Variants in FOXK1 observed in about 807,000 individuals in gnomAD.
FOXK1 encodes forkhead box protein K1.
FOXK1 carries 19 observed loss-of-function variants against 51.9 expected under a neutral mutation model. The observed-to-expected ratio is 0.37, with a 90% CI of 0.26 to 0.54. The LOEUF (loss-of-function observed/expected upper bound fraction) is 0.54, where lower values mean the gene tolerates loss of function less well. Among genes scored for constraint, FOXK1 ranks in the 20% least tolerant of loss-of-function variants. FOXK1 has a pLI of 0.87. For synonymous variants in FOXK1, 537 were observed against 482.6 expected (o/e 1.11, Z -1.48); for missense variants, 870 against 1,032.7 (o/e 0.84, Z 2.16).
chr7:4,737,041 C>T (rs531899538), intron 1 of FOXK1, among the ~76,000 whole-genome samples: 1 of 152,326 alleles, frequency 6.6e-6, no homozygotes, highest in African/African-American at 2.4e-5. Context: ...GGACCATGCT[C>T]CTCTTCTGTG....
At chr7:4,699,945 G>A (rs1180698839) in intron 1 of FOXK1, among the ~76,000 whole-genome samples, 9 of 152,038 alleles carry the variant, frequency 5.9e-5, no homozygotes, top group Non-Finnish European at 1.0e-4. Flanking sequence ...TGGTTGAATC[G>A]GCTAGGACCT....
chr7:4,720,929 A>G (rs1467526027), intron 1 of FOXK1, among the ~76,000 whole-genome samples: 2 of 151,852 alleles, frequency 1.3e-5, no homozygotes, highest in African/African-American at 2.4e-5. Flanking sequence ...AAAGAAAAAA[A>G]AAACTCAACA....
At chr7:4,686,784 A>T (rs564713649) in intron 1 of FOXK1, among the ~76,000 whole-genome samples, 28 of 150,402 alleles carry the variant, frequency 1.9e-4, no homozygotes, top group Non-Finnish European at 3.2e-4. Flanking sequence ...AAACGGCGTC[A>T]TCGATTTAGT....
At position 4,762,573 on chromosome 7, in the gene FOXK1, C is replaced by A; in HGVS notation, c.*109C>A. The A allele has an allele frequency of 8.6e-7, 1 of 1,160,622 alleles. No homozygotes were observed. Among genetic ancestry groups the A allele is most frequent in the Non-Finnish European group, 1.2e-6 (1 of 843,870 alleles). 71.9% of individuals were successfully genotyped at this position (1,160,622 alleles called of 1,614,324 possible). A position where few individuals can be genotyped will look rare whatever the true frequency, so the allele number is the denominator to read the frequency against. ...GACGGAGGAGAACAGCCCGCGGCGGCCTGTGGGCATCGGCGGCACCTGGAC... is the reference window on the plus strand; with the variant it reads ...GACGGAGGAGAACAGCCCGCGGCGGACTGTGGGCATCGGCGGCACCTGGAC... On this transcript the variant is annotated 3_prime_UTR_variant, in exon 9 of 9. Transcript: ENST00000328914. The surrounding 1 kb of genome is among the most constrained non-coding windows in gnomAD (Gnocchi z 5.7).
chr7:4,728,889 C>G (rs1780415149), intron 1 of FOXK1, among the ~76,000 whole-genome samples: 1 of 152,196 alleles, frequency 6.6e-6, no homozygotes, highest in Non-Finnish European at 1.5e-5. Context: ...AAACCAGCGT[C>G]TGGTACTTGG....
At chr7:4,684,240 T>A (rs574713011) in intron 1 of FOXK1, among the ~76,000 whole-genome samples, 25 of 152,382 alleles carry the variant, frequency 1.6e-4, no homozygotes, top group Admixed American at 1.6e-3. Context: ...AGTGTTTATA[T>A]TTCTTCAATG....
intron 1 of FOXK1, among the ~76,000 whole-genome samples, chr7:4,705,517 T>TTCTCTCTTTCTCTC (rs1780072859): frequency 9.0e-6 from 1 of 111,490 alleles, no homozygotes; most frequent in African/African-American, 3.5e-5. Flanking sequence ...TTCCTTCTCT[T>TTCTCTCTTTCTCTC]TCTCTCTCTC....
rs1484738530 is a variant in FOXK1, at chr7:4,715,523, T to A, written c.561-25315T>A. 1.3e-5 allele frequency among the ~76,000 whole-genome samples: 2 copies of A among 152,206 alleles called. No individual in the cohort carries two copies. The highest frequency in any genetic ancestry group is 2.9e-5 in the Non-Finnish European group (2 of 68,032). ...GGAATGCCCGAGCTCTGAGAAGCTCTTCATCTATCAGCAGTCAGCTTTCCA... is the reference window on the plus strand; with the variant it reads ...GGAATGCCCGAGCTCTGAGAAGCTCATCATCTATCAGCAGTCAGCTTTCCA... On this transcript the variant is annotated intron_variant, in intron 1 of 8. Coordinates refer to ENST00000328914, the MANE Select transcript of FOXK1 (RefSeq NM_001037165.2). The surrounding 1 kb of genome is among the most constrained non-coding windows in gnomAD (Gnocchi z 4.5).
chr7:4,740,784 G>A (rs1780623108), intron 1 of FOXK1, 54 bp from the exon 2 acceptor site: 2 of 1,540,386 alleles, frequency 1.3e-6, no homozygotes, highest in African/African-American at 2.8e-5. Flanking sequence ...CTGGGTGTTG[G>A]CGTCTTCTTG....
chr7:4,691,117 C>T (rs1448601820), intron 1 of FOXK1, among the ~76,000 whole-genome samples: 2 of 152,110 alleles, frequency 1.3e-5, no homozygotes, highest in African/African-American at 2.4e-5. Flanking sequence ...ACCAAGAAGG[C>T]GTGTGGCGTG....
intron 7 of FOXK1, among the ~76,000 whole-genome samples, 187 bp from the exon 8 acceptor site, chr7:4,760,877 T>C (rs1462979946): frequency 6.6e-6 from 1 of 152,116 alleles, no homozygotes; most frequent in Admixed American, 6.5e-5. Context: ...GTAAGTAAAA[T>C]ATTGTTCTAA....
chr7:4,732,244 C>T (rs544478677), intron 1 of FOXK1, among the ~76,000 whole-genome samples: 100 of 152,340 alleles, frequency 6.6e-4, no homozygotes, highest in African/African-American at 2.3e-3. Flanking sequence ...TGATTATGCA[C>T]CATCATTACC....
At chr7:4,710,121 C>T (rs987947394) in intron 1 of FOXK1, among the ~76,000 whole-genome samples, 5 of 152,198 alleles carry the variant, frequency 3.3e-5, no homozygotes, top group African/African-American at 9.7e-5. Flanking sequence ...AGAAGGTTGG[C>T]ACTTAAATAG....
At chr7:4,717,514 C>T (rs1202343773) in intron 1 of FOXK1, among the ~76,000 whole-genome samples, 2 of 142,038 alleles carry the variant, frequency 1.4e-5, no homozygotes, top group African/African-American at 2.6e-5. Flanking sequence ...CTGGGAGGTG[C>T]CTGGCTGGGA....
At chr7:4,739,774 C>T (rs1484354147) in intron 1 of FOXK1, among the ~76,000 whole-genome samples, 1 of 152,228 alleles carries the variant, frequency 6.6e-6, no homozygotes, top group Non-Finnish European at 1.5e-5. Context: ...GTCAGATCTT[C>T]TAGGCAGTGG....
rs1393118714 is a variant in FOXK1 at position 4,755,116 on chromosome 7, G to T, written c.904-121G>T. 2.4e-6 allele frequency: 3 copies of T among 1,266,358 alleles called. No individual in the cohort carries two copies. In the Admixed American group the frequency reaches 6.7e-5, roughly 28 times the overall value. 78.4% of individuals were successfully genotyped at this position (1,266,358 alleles called of 1,614,324 possible). Reference sequence around the variant, plus strand: ...TGGGATAGTTGGAGGGCACTGGGACGGGTGCCGGCAAGACGCGCACATTCT... The same window carrying T: ...TGGGATAGTTGGAGGGCACTGGGACTGGTGCCGGCAAGACGCGCACATTCT... On this transcript the variant is annotated intron_variant, in intron 3 of 8. Transcript: ENST00000328914. This position sits in a 1 kb window ranked among gnomAD's most constrained non-coding sequence, Gnocchi z 6.6.
Position 4,753,389 on chromosome 7 carries a change from A to C in FOXK1, c.747-1070A>C, listed in dbSNP as rs575254235. ...AAGGGCAGCAAGGCGGGAGGAGGAG[A>C]ATGGACCTTCTGGATGGTTCTGGAT... On this transcript the variant is annotated intron_variant, in intron 2 of 8. Coordinates refer to ENST00000328914, the MANE Select transcript of FOXK1 (RefSeq NM_001037165.2). This position sits in a 1 kb window ranked among gnomAD's most constrained non-coding sequence, Gnocchi z 4.9. Among the ~76,000 whole-genome samples, 58 of 151,802 alleles carry C rather than the reference A, an allele frequency of 3.8e-4. No individual in the cohort carries two copies. The highest frequency in any genetic ancestry group is 1.4e-3 in the African/African-American group (56 of 41,390).
chr7:4,752,867 C>A (rs2115069610), intron 2 of FOXK1, among the ~76,000 whole-genome samples: 1 of 152,376 alleles, frequency 6.6e-6, no homozygotes, highest in East Asian at 1.9e-4. Context: ...AGGCCTTTGA[C>A]AAAGCCGATT....
At chr7:4,694,575 C>T (rs1042495848) in intron 1 of FOXK1, among the ~76,000 whole-genome samples, 1 of 152,240 alleles carries the variant, frequency 6.6e-6, no homozygotes, top group African/African-American at 2.4e-5. Context: ...CAGACCCCAA[C>T]AGTGCCCTCT....
Sources: allele counts gnomAD v4.1 joint callset (sites outside exome capture counted in the v4.1 genomes callset), GRCh38; gene constraint gnomAD v4.1.1; non-coding constraint Gnocchi (gnomAD v3.1); transcripts MANE v1.5; gene names NCBI Gene and HGNC (gene_info 2026-07-23, HGNC 2026-07-21).